Variants in SH3TC1 observed in about 807,000 individuals in gnomAD.
The protein encoded by SH3TC1 is SH3 domain and tetratricopeptide repeats 1.
Under a neutral mutation model 117.3 loss-of-function variants are expected in SH3TC1, and 135 were observed. The ratio of observed to expected loss-of-function variants is 1.15; its 90% CI spans 1.00 to 1.33. SH3TC1 has a LOEUF of 1.33. Ranked by LOEUF, SH3TC1 falls within the 40% of genes most tolerant of loss-of-function variation. The probability of loss-of-function intolerance (pLI) is 0.00; values close to 1 mark genes in which losing one functional copy is unlikely to be tolerated. For synonymous variants in SH3TC1, 898 were observed against 816.9 expected (o/e 1.10, Z -1.69); for missense variants, 2,092 against 1,794.3 (o/e 1.17, Z -3.00).
rs1408993672 is a variant in SH3TC1 at position 8,228,012 on chromosome 4, T to C, written c.2318T>C (p.Leu773Pro). 11 of 1,611,548 alleles carry C rather than the reference T, an allele frequency of 6.8e-6. No homozygotes were observed. Among genetic ancestry groups the C allele is most frequent in the Non-Finnish European group, 7.6e-6 (9 of 1,179,298 alleles). The change falls in exon 12 of 18, where the codon CTG (leucine) becomes CCG (proline). Residue 773 changes from leucine (L) to proline (P), a missense_variant. Transcript: ENST00000245105. ...AQTSHYLRQA[L>P]ASLTPGTGQA... The stretch of plus-strand genomic sequence containing the variant: ...ACTTCCCACTACCTCAGGCAAGCGC[T>C]GGCCTCCCTGACCCCGGGCACAGGC...
Position 8,227,859 on chromosome 4 carries a change from T to C in SH3TC1, c.2165T>C (p.Leu722Pro). 1.3e-5 allele frequency: 21 copies of C among 1,612,826 alleles called. No individual in the cohort carries two copies. Among genetic ancestry groups the C allele is most frequent in the Non-Finnish European group, 1.8e-5 (21 of 1,179,974 alleles). ...GCTGACATCTACAGCCGCAAGTGCC[T>C]GCCCCACCTGGTGCTGAGCTGTGTC... ...LLADIYSRKCLPHLVLSCVKV... is the reference protein window; with the variant it reads ...LLADIYSRKCPPHLVLSCVKV... The change falls in exon 12 of 18, where the codon CTG becomes CCG. Residue 722 changes from leucine (L) to proline (P), a missense_variant. Physicochemically the swap from Leu to Pro is moderately conservative, Grantham distance 98. Coordinates refer to ENST00000245105, the MANE Select transcript of SH3TC1 (RefSeq NM_018986.5).
Position 8,205,528 on chromosome 4 carries a change from G to C in SH3TC1, c.172+162G>C. On this transcript the variant is annotated intron_variant, in intron 2 of 17. Coordinates refer to ENST00000245105, the MANE Select transcript of SH3TC1 (RefSeq NM_018986.5). The surrounding 1 kb of genome is among the most constrained non-coding windows in gnomAD (Gnocchi z 5.4). ...CTTCTCGTTTCCTTCCCCCGCGTGT[G>C]TTTAACAGGAGCCACTGTGCCCGCT... is the stretch of plus-strand genomic sequence containing the variant. 6 of 1,030,736 alleles carry C rather than the reference G, an allele frequency of 5.8e-6. No homozygotes were observed. The highest frequency in any genetic ancestry group is 9.1e-6 in the Non-Finnish European group (6 of 657,972). The allele number at this position is 1,030,736 out of a possible 1,614,324, so 63.8% of individuals were successfully genotyped here. A position where few individuals can be genotyped will look rare whatever the true frequency, so the allele number is the denominator to read the frequency against.
In SH3TC1 at chr4:8,205,806, G is replaced by C; in HGVS notation, c.172+440G>C. 3.3e-6 allele frequency: 2 copies of C among 605,352 alleles called. No homozygotes were observed. Among genetic ancestry groups the C allele is most frequent in the South Asian group, 3.9e-5 (2 of 51,128 alleles). The allele number at this position is 605,352 out of a possible 1,614,324, so 37.5% of individuals were successfully genotyped here. ...ACCCTGTGGTCAGGGGCCGGGCCAG[G>C]ACGTGTGCCCAGTTTCCTGAATTCC... On this transcript the variant is annotated intron_variant, in intron 2 of 17. Coordinates refer to ENST00000245105, the MANE Select transcript of SH3TC1 (RefSeq NM_018986.5). The surrounding 1 kb of genome is among the most constrained non-coding windows in gnomAD (Gnocchi z 5.4).
At chr4:8,218,526 C>T (rs1202218529) in intron 8 of SH3TC1, among the ~76,000 whole-genome samples, 179 bp downstream of exon 8, 1 of 152,190 alleles carries the variant, frequency 6.6e-6, no homozygotes, top group Non-Finnish European at 1.5e-5. Flanking sequence ...TACTTTTGTA[C>T]CAACCGAGTC....
At chr4:8,240,430 G>A (rs868193210) in intron 17 of SH3TC1, among the ~76,000 whole-genome samples, 1 of 152,158 alleles carries the variant, frequency 6.6e-6, no homozygotes, top group Non-Finnish European at 1.5e-5. Context: ...TCAGCCCACG[G>A]GGAAAGCAGC....
chr4:8,196,099 T>A (rs1487402802), upstream of SH3TC1, among the ~76,000 whole-genome samples: 2 of 152,240 alleles, frequency 1.3e-5, no homozygotes, highest in Non-Finnish European at 2.9e-5. This position sits in a 1 kb window ranked among gnomAD's most constrained non-coding sequence, Gnocchi z 4.6. Flanking sequence ...CACGGGCATT[T>A]GTTACATGCA....
intron 14 of SH3TC1, 73 bp downstream of exon 14, chr4:8,233,586 G>A (rs1721457876): frequency 6.9e-7 from 1 of 1,459,842 alleles, no homozygotes; most frequent in Non-Finnish European, 9.1e-7. Flanking sequence ...CATTGATGAT[G>A]ATGATAGATG....
intron 9 of SH3TC1, among the ~76,000 whole-genome samples, chr4:8,222,266 T>C (rs1004583321): frequency 6.6e-6 from 1 of 151,736 alleles, no homozygotes; most frequent in Non-Finnish European, 1.5e-5. Context: ...CTCACTGTCC[T>C]AGGACACCAT....
intron 17 of SH3TC1, among the ~76,000 whole-genome samples, chr4:8,239,647 C>T (rs1560121029): frequency 6.6e-6 from 1 of 152,258 alleles, no homozygotes; most frequent in Non-Finnish European, 1.5e-5. Context: ...CACAGAGACA[C>T]ATATGCTTTG....
chr4:8,216,754 C>T (rs1328892600), intron 6 of SH3TC1, among the ~76,000 whole-genome samples: 2 of 152,168 alleles, frequency 1.3e-5, no homozygotes, highest in Non-Finnish European at 2.9e-5. Context: ...GCCAGCCTCA[C>T]ACACCACATG....
In SH3TC1 at chr4:8,227,316, G is replaced by C; in HGVS notation, c.1622G>C (p.Gly541Ala). Residue 541 changes from glycine (G) to alanine (A), a missense_variant, in exon 12 of 18, where the codon GGG becomes GCG. Physicochemically the swap from Gly to Ala is moderately conservative, Grantham distance 60. Coordinates refer to ENST00000245105, the MANE Select transcript of SH3TC1 (RefSeq NM_018986.5). Reference protein sequence around the residue: ...RSFSDEEELTGRLAQARGAAK... With the variant: ...RSFSDEEELTARLAQARGAAK... ...TTCAGCGACGAGGAGGAGCTGACTG[G>C]GCGCCTGGCACAGGCCCGGGGGGCG... 6.2e-7 allele frequency: 1 copy of C among 1,610,250 alleles called. No individual in the cohort carries two copies. The highest frequency in any genetic ancestry group is 1.3e-5 in the African/African-American group (1 of 75,006).
chr4:8,214,613 G>A (rs1236727052), intron 5 of SH3TC1, 33 bp downstream of exon 5: 8 of 1,571,822 alleles, frequency 5.1e-6, no homozygotes, highest in Non-Finnish European at 6.1e-6. Context: ...ATTGGTCATG[G>A]GGACGCCCGT....
At chr4:8,213,156 G>T in intron 4 of SH3TC1, 1 of 319,354 alleles carries the variant, frequency 3.1e-6, no homozygotes. Flanking sequence ...TTAAGGACAA[G>T]TGTGAAGTTA....
intron 1 of SH3TC1, among the ~76,000 whole-genome samples, chr4:8,184,344 A>G (rs1717164041): frequency 6.6e-6 from 1 of 152,216 alleles, no homozygotes; most frequent in South Asian, 2.1e-4. Flanking sequence ...GTACGGAAGT[A>G]TCAGAATGGC....
At chr4:8,239,334 C>T (rs1578762392) in intron 17 of SH3TC1, among the ~76,000 whole-genome samples, 1 of 150,176 alleles carries the variant, frequency 6.7e-6, no homozygotes, top group South Asian at 2.1e-4. Context: ...GACACATGCA[C>T]ACATGGACAC....
chr4:8,219,000 T>A (rs1376932307), intron 8 of SH3TC1, among the ~76,000 whole-genome samples: 1 of 152,088 alleles, frequency 6.6e-6, no homozygotes, highest in African/African-American at 2.4e-5. Flanking sequence ...TAAAGCCCCA[T>A]GCAGGAGCCG....
chr4:8,224,319 C>G (rs1720261771), intron 10 of SH3TC1, among the ~76,000 whole-genome samples: 1 of 152,242 alleles, frequency 6.6e-6, no homozygotes, highest in South Asian at 2.1e-4. Flanking sequence ...AAATCAACTT[C>G]CCTTCCTGAA....
At chr4:8,189,073 T>C (rs1236415720) in intron 1 of SH3TC1, among the ~76,000 whole-genome samples, 4 of 152,274 alleles carry the variant, frequency 2.6e-5, no homozygotes, top group Non-Finnish European at 5.9e-5. Flanking sequence ...GAAGTGCACT[T>C]GACTGGGCTC....
At chr4:8,222,342 C>G (rs1240542500) in intron 9 of SH3TC1, among the ~76,000 whole-genome samples, 1 of 150,922 alleles carries the variant, frequency 6.6e-6, no homozygotes, top group Non-Finnish European at 1.5e-5. Context: ...GACAAGGCAC[C>G]CCTTGAGGTC....
Sources: allele counts gnomAD v4.1 joint callset (sites outside exome capture counted in the v4.1 genomes callset), GRCh38; gene constraint gnomAD v4.1.1; non-coding constraint Gnocchi (gnomAD v3.1); transcripts MANE v1.5; gene names NCBI Gene and HGNC (gene_info 2026-07-23, HGNC 2026-07-21).